Variants in LMOD3 observed in about 807,000 individuals in gnomAD.
LMOD3 encodes leiomodin-3.
A neutral mutation model predicts 41.8 loss-of-function variants in LMOD3; 31 were observed. That is an observed-to-expected ratio of 0.74 (90% CI 0.56 to 1.00). The LOEUF (loss-of-function observed/expected upper bound fraction) is 1.00. Ranked by LOEUF, LMOD3 falls within the 50% of genes least tolerant of loss-of-function variation. The pLI, the probability that LMOD3 is intolerant of heterozygous loss-of-function variation, is 0.00. For synonymous variants in LMOD3, 292 were observed against 241.9 expected, an observed-to-expected ratio of 1.21 and a Z score of -1.92; for missense variants, 755 against 679.5, an observed-to-expected ratio of 1.11 and a Z score of -1.23.
chr3:69,109,146 C>T (rs755690366), intron 2 of LMOD3, 25 bp from the exon 3 acceptor site: 43 of 1,594,888 alleles, frequency 2.7e-5, no homozygotes, highest in Admixed American at 3.5e-5. Context: ...TTTGAGGAAA[C>T]GGGGGAAATT....
Position 69,119,577 on chromosome 3 carries a change from G to T in LMOD3, c.778C>A (p.Leu260Met). Reference protein sequence around the residue: ...KNDPDMKELNLNNIENIPKEM... With the variant: ...KNDPDMKELNMNNIENIPKEM... ...TTGGGGATGTTTTCAATGTTGTTCA[G>T]GTTGAGTTCCTTCATGTCAGGATCA... Residue 260 changes from leucine (L) to methionine (M), a missense_variant, in exon 2 of 3, where the codon CTG becomes ATG. Physicochemically the swap from Leu to Met is conservative, Grantham distance 15. Transcript: ENST00000420581. 2 of 1,613,736 alleles carry T rather than the reference G, an allele frequency of 1.2e-6. No homozygotes were observed. The highest frequency in any genetic ancestry group is 1.7e-6 in the Non-Finnish European group (2 of 1,179,876).
rs2092410462 is a variant in LMOD3 at position 69,122,118 on chromosome 3, A to G, written c.269T>C (p.Val90Ala). The change falls in exon 1 of 3, where the codon GTT becomes GCT. Residue 90 changes from valine (V) to alanine (A), a missense_variant. Transcript: ENST00000420581. ...CTCGGATTTCACAAAGGTGACAGGA[A>G]CTCGTTCCTCTTCCAGCATGCGCCT... ...ASRRMLEEER[V>A]PVTFVKSEEK... 1 of 1,612,104 alleles carries G rather than the reference A, an allele frequency of 6.2e-7. No individual in the cohort carries two copies. Among genetic ancestry groups the G allele is most frequent in the South Asian group, 1.1e-5 (1 of 90,598 alleles).
chr3:69,112,918 T>G (rs2092356107), intron 2 of LMOD3, among the ~76,000 whole-genome samples: 1 of 152,220 alleles, frequency 6.6e-6, no homozygotes, highest in South Asian at 2.1e-4. Flanking sequence ...AAACCTTTTT[T>G]CCCACTACAC....
Position 69,108,972 on chromosome 3 carries a change from T to C in LMOD3, c.*123A>G, listed in dbSNP as rs2092335600. ...GCCTTTTACAAATACCCTTATCAGA[T>C]GGTAGCATTGTTTCCAGTTCTGCCA... On this transcript the variant is annotated 3_prime_UTR_variant, in exon 3 of 3. Coordinates refer to ENST00000420581, the MANE Select transcript of LMOD3 (RefSeq NM_198271.5). 15 of 829,518 alleles carry C rather than the reference T, an allele frequency of 1.8e-5. No individual in the cohort carries two copies. In the South Asian group the frequency reaches 1.9e-4, roughly 11 times the overall value. 51.4% of individuals were successfully genotyped at this position (829,518 alleles called of 1,614,324 possible).
intron 2 of LMOD3, among the ~76,000 whole-genome samples, chr3:69,112,787 A>G (rs866538434): frequency 5.3e-5 from 8 of 152,318 alleles, no homozygotes; most frequent in Middle Eastern, 3.4e-3. Context: ...GGCCCCATCC[A>G]AGACCTACTG....
chr3:69,120,182 C>A, intron 1 of LMOD3, 122 bp from the exon 2 acceptor site: 4 of 1,115,112 alleles, frequency 3.6e-6, no homozygotes, highest in Non-Finnish European at 4.7e-6. Context: ...TTAAATAATC[C>A]TTATTTAAAT....
chr3:69,117,833 G>GTTTTTTTTT (rs374336943), intron 2 of LMOD3, among the ~76,000 whole-genome samples: 3 of 132,160 alleles, frequency 2.3e-5, no homozygotes, highest in East Asian at 2.3e-4. Context: ...AATTTGGGTG[G>GTTTTTTTTT]TTTTTTTTTT....
chr3:69,120,525 G>A (rs1468018737), intron 1 of LMOD3, among the ~76,000 whole-genome samples: 3 of 151,310 alleles, frequency 2.0e-5, no homozygotes, highest in African/African-American at 7.3e-5. Flanking sequence ...TACTAATCTA[G>A]TATAGAATGT....
At position 69,120,043 on chromosome 3, in the gene LMOD3, C is replaced by G. The variant is rs1332378715; in HGVS notation, c.312G>C (p.Glu104Asp). The G allele has an allele frequency of 6.2e-7, 1 of 1,600,960 alleles. No individual in the cohort carries two copies. The part of the protein sequence containing the change: ...FVKSEEKTQE[E>D]HEEIEKRNKN... ...TATTACGTTTTTCTATTTCTTCATG[C>G]TCTTCTTGAGTCTTTTCCTACAAGA... Residue 104 changes from glutamate (E) to aspartate (D), a missense_variant, in exon 2 of 3, where the codon GAG becomes GAC. Glu to Asp is a conservative substitution (Grantham distance 45). Transcript: ENST00000420581.
intron 1 of LMOD3, among the ~76,000 whole-genome samples, chr3:69,121,725 T>C (rs545423779): frequency 6.6e-6 from 1 of 152,290 alleles, no homozygotes; most frequent in African/African-American, 2.4e-5. Context: ...GCTACAGAGC[T>C]GTCATTACTT....
intron 2 of LMOD3, among the ~76,000 whole-genome samples, chr3:69,110,609 G>A (rs1235030669): frequency 2.7e-5 from 4 of 149,194 alleles, no homozygotes; most frequent in Non-Finnish European, 4.5e-5. Context: ...TTGGGAGGCC[G>A]AGGTGGGCGG....
At position 69,106,511 on chromosome 3, in the gene LMOD3, A is replaced by T. The variant is rs1054771478; in HGVS notation, c.*2584T>A. 2.6e-5 allele frequency among the ~76,000 whole-genome samples: 4 copies of T among 152,188 alleles called. No individual in the cohort carries two copies. The highest frequency in any genetic ancestry group is 2.6e-4 in the Admixed American group (4 of 15,278). ...ATCTTTAGGGTTGGGTGGTAGAAAA[A>T]GCATAATGTGAACTGCTTCACCTCT... On this transcript the variant is annotated 3_prime_UTR_variant, in exon 3 of 3. Transcript: ENST00000420581.
At position 69,108,094 on chromosome 3, in the gene LMOD3, T is replaced by G. The variant is rs1421173817; in HGVS notation, c.*1001A>C. 1 of 152,048 alleles carries G rather than the reference T, an allele frequency of 6.6e-6. No homozygotes were observed. Among genetic ancestry groups the G allele is most frequent in the Non-Finnish European group, 1.5e-5 (1 of 68,024 alleles). The allele number at this position is 152,048 out of a possible 1,614,324, so 9.4% of individuals were successfully genotyped here. A position where few individuals can be genotyped will look rare whatever the true frequency, so the allele number is the denominator to read the frequency against. On this transcript the variant is annotated 3_prime_UTR_variant, in exon 3 of 3. Transcript: ENST00000420581. ...AGGATTTGTGGGAAATAAGACAGGA[T>G]TAGTAAATTGGGGCCAGGCAATGGA... is the stretch of plus-strand genomic sequence containing the variant.
intron 2 of LMOD3, among the ~76,000 whole-genome samples, chr3:69,112,882 A>G (rs2092355955): frequency 6.6e-6 from 1 of 152,364 alleles, no homozygotes; most frequent in Non-Finnish European, 1.5e-5. Context: ...GAGAATCACT[A>G]TATGGACTTT....
chr3:69,120,786 A>G (rs2092403818), intron 1 of LMOD3, among the ~76,000 whole-genome samples: 1 of 152,162 alleles, frequency 6.6e-6, no homozygotes. Context: ...GCCAGCTGTA[A>G]GATGAAACAG....
intron 2 of LMOD3, among the ~76,000 whole-genome samples, chr3:69,112,721 C>A (rs2092355448): frequency 6.6e-6 from 1 of 152,016 alleles, no homozygotes. Flanking sequence ...CAAATGTGGT[C>A]CCAGAATAAG....
intron 2 of LMOD3, among the ~76,000 whole-genome samples, chr3:69,116,115 T>G (rs1164259225): frequency 6.6e-6 from 1 of 152,234 alleles, no homozygotes; most frequent in Non-Finnish European, 1.5e-5. Flanking sequence ...AAATATCTTT[T>G]AAAAGATTAT....
In LMOD3 at chr3:69,118,971, A is replaced by C. The variant is rs368084636; in HGVS notation, c.1384T>G (p.Phe462Val). The C allele has an allele frequency of 2.7e-5, 43 of 1,612,962 alleles. No individual in the cohort carries two copies. The African/African-American group carries it at 5.6e-4, about 21-fold the overall frequency. Residue 462 changes from phenylalanine (F) to valine (V), a missense_variant, in exon 2 of 3, where the codon TTT becomes GTT. Physicochemically the swap from Phe to Val is conservative, Grantham distance 50. Transcript: ENST00000420581. ...TTCATCATTTCACTGCGTTGACTAAAGGGGACATTTTGGGGGTTGGGAGGC... is the reference window on the plus strand; with the variant it reads ...TTCATCATTTCACTGCGTTGACTAACGGGGACATTTTGGGGGTTGGGAGGC... ...PRPPNPQNVP[F>V]SQRSEMMKKP...
intron 2 of LMOD3, among the ~76,000 whole-genome samples, chr3:69,112,674 A>G (rs1006661183): frequency 2.0e-5 from 3 of 152,228 alleles, no homozygotes; most frequent in East Asian, 1.9e-4. Flanking sequence ...ACAGCAGCAG[A>G]CATGGTTTAC....
Sources: allele counts gnomAD v4.1 joint callset (sites outside exome capture counted in the v4.1 genomes callset), GRCh38; gene constraint gnomAD v4.1.1; transcripts MANE v1.5; gene names NCBI Gene and HGNC (gene_info 2026-07-23, HGNC 2026-07-21).